CDC42BPA: variants seen among roughly 807,000 people sequenced by gnomAD.
The protein encoded by CDC42BPA is CDC42 binding protein kinase alpha.
CDC42BPA carries 80 observed loss-of-function variants against 223.5 expected under a neutral mutation model. That is an observed-to-expected ratio of 0.36 (90% CI 0.30 to 0.43). CDC42BPA has a LOEUF of 0.43. Ranked by LOEUF, CDC42BPA falls within the 20% of genes least tolerant of loss-of-function variation. CDC42BPA has a pLI of 1.00. For synonymous variants in CDC42BPA, 694 were observed against 718.6 expected (o/e 0.97, Z 0.55); for missense variants, 1,743 against 2,099.9 (o/e 0.83, Z 3.32).
chr1:227,310,164 C>T (rs186667919), intron 1 of CDC42BPA, among the ~76,000 whole-genome samples: 45 of 152,262 alleles, frequency 3.0e-4, no homozygotes, highest in Admixed American at 1.5e-3. Flanking sequence ...ATCCTCCAGA[C>T]GCTCTGAAAA....
intron 10 of CDC42BPA, among the ~76,000 whole-genome samples, chr1:227,135,855 C>CAAAAAAAAAAAAAAAAA (rs1175091904): frequency 3.0e-4 from 2 of 6,578 alleles, no homozygotes; most frequent in Non-Finnish European, 6.8e-4. Flanking sequence ...CTCTGTCTCC[C>CAAAAAAAAAAAAAAAAA]AAAAAAAAAA....
intron 2 of CDC42BPA, among the ~76,000 whole-genome samples, chr1:227,226,970 A>T (rs1296099288): frequency 6.6e-6 from 1 of 152,164 alleles, no homozygotes; most frequent in Non-Finnish European, 1.5e-5. Context: ...AATTACATAG[A>T]GAGTTAAAGC....
chr1:227,060,545 C>T (rs192684545), intron 21 of CDC42BPA, among the ~76,000 whole-genome samples: 5 of 151,984 alleles, frequency 3.3e-5, no homozygotes, highest in Admixed American at 2.6e-4. Context: ...GTATGGGAAC[C>T]TAGAGGAGGG....
chr1:227,293,495 T>C (rs993368108), intron 1 of CDC42BPA, among the ~76,000 whole-genome samples: 4 of 149,454 alleles, frequency 2.7e-5, no homozygotes, highest in Non-Finnish European at 4.4e-5. Context: ...CAGATTCATA[T>C]ACAAAGCTAC....
intron 1 of CDC42BPA, among the ~76,000 whole-genome samples, chr1:227,284,226 A>G (rs559099301): frequency 3.3e-5 from 5 of 152,224 alleles, no homozygotes; most frequent in African/African-American, 4.8e-5. Context: ...AACTAAAAAT[A>G]TAAGAATTTG....
intron 5 of CDC42BPA, among the ~76,000 whole-genome samples, chr1:227,189,312 A>C (rs1364065984): frequency 1.3e-5 from 2 of 152,232 alleles, no homozygotes; most frequent in African/African-American, 4.8e-5. Context: ...AATGAAAACT[A>C]AGTAAGAGTA....
In CDC42BPA at chr1:227,317,068, A is replaced by T; in HGVS notation, c.115T>A (p.Tyr39Asn). The T allele has an allele frequency of 6.2e-7, 1 of 1,613,612 alleles. No individual in the cohort carries two copies. Among genetic ancestry groups the T allele is most frequent in the Non-Finnish European group, 8.5e-7 (1 of 1,179,514 alleles). The change falls in exon 1 of 37, where the codon TAT becomes AAT. Residue 39 changes from tyrosine to asparagine, a missense_variant. Physicochemically the swap from Tyr to Asn is moderately radical, Grantham distance 143. Around this residue, in one of 6 missense-constraint regions of CDC42BPA, gnomAD observed 321 missense variants for 488.7 expected, o/e 0.66. Transcript: ENST00000366766. ...AATGGAGAATTATTGCATTCATCAT[A>T]AAGGCAGATGAGTATATCCAGTAAT... ...ETLLDILICL[Y>N]DECNNSPLRR...
intron 24 of CDC42BPA, among the ~76,000 whole-genome samples, chr1:227,037,696 G>T (rs1269764915): frequency 2.6e-5 from 4 of 152,172 alleles, no homozygotes; most frequent in African/African-American, 4.8e-5. Flanking sequence ...ACTAGTATTA[G>T]AATTTGAGTT....
intron 5 of CDC42BPA, chr1:227,183,012 C>T (rs77703354): frequency 0.051 from 7,794 of 152,258 alleles, 235 homozygotes; most frequent in Non-Finnish European, 0.072. Context: ...CCTGGTTTTC[C>T]GGCTTTCAAA....
Position 227,019,784 on chromosome 1 carries a change from C to T in CDC42BPA, c.4616-2734G>A, listed in dbSNP as rs553005611. Among the ~76,000 whole-genome samples the T allele has an allele frequency of 2.0e-5, 3 of 152,258 alleles. No individual in the cohort carries two copies. The South Asian group carries it at 6.2e-4, about 32-fold the overall frequency. ...TTGAAAGAAGTATTACTTTTCTGAG[C>T]AGTAGATCTCAACAGTGGGCTTAAA... On this transcript the variant is annotated intron_variant, in intron 32 of 36. Transcript: ENST00000366766.
intron 3 of CDC42BPA, among the ~76,000 whole-genome samples, chr1:227,202,316 C>T (rs962103386): frequency 6.6e-6 from 1 of 152,126 alleles, no homozygotes; most frequent in African/African-American, 2.4e-5. Context: ...ACAGAAAGCA[C>T]TTTACATACT....
intron 2 of CDC42BPA, among the ~76,000 whole-genome samples, chr1:227,239,945 G>T (rs1451391116): frequency 2.0e-5 from 3 of 152,002 alleles, no homozygotes; most frequent in Non-Finnish European, 4.4e-5. Flanking sequence ...CAAAGAAATA[G>T]AAAGTCTACA....
chr1:227,303,694 T>C (rs1015887211), intron 1 of CDC42BPA, among the ~76,000 whole-genome samples: 4 of 152,236 alleles, frequency 2.6e-5, no homozygotes, highest in Admixed American at 6.5e-5. Flanking sequence ...CACTGCTAAT[T>C]TGGAATCTGA....
chr1:227,284,962 C>CAA (rs34475633), intron 1 of CDC42BPA, among the ~76,000 whole-genome samples: 1,575 of 130,222 alleles, frequency 0.012, 44 homozygotes, highest in African/African-American at 0.029. Context: ...GACCCCATCT[C>CAA]ACAAAAAAAA....
At chr1:227,268,476 G>C (rs1360304265) in intron 1 of CDC42BPA, among the ~76,000 whole-genome samples, 1 of 151,464 alleles carries the variant, frequency 6.6e-6, no homozygotes, top group African/African-American at 2.4e-5. Context: ...ATAAAATATT[G>C]TGATATGGGG....
At chr1:227,240,166 A>T (rs1339770029) in intron 2 of CDC42BPA, among the ~76,000 whole-genome samples, 1 of 152,136 alleles carries the variant, frequency 6.6e-6, no homozygotes, top group African/African-American at 2.4e-5. Flanking sequence ...AATTTTAAAG[A>T]TATCATTTAT....
At chr1:227,195,751 T>G (rs1270216751) in intron 4 of CDC42BPA, among the ~76,000 whole-genome samples, 2 of 152,210 alleles carry the variant, frequency 1.3e-5, no homozygotes, top group African/African-American at 2.4e-5. Flanking sequence ...AATTGAATAT[T>G]TGGTACTCCT....
chr1:227,032,736 G>A (rs79098346), intron 27 of CDC42BPA, among the ~76,000 whole-genome samples: 9,104 of 152,210 alleles, frequency 0.06, 279 homozygotes, highest in Non-Finnish European at 0.072. Context: ...GACGACCAGA[G>A]ACCACATGGA....
At position 227,112,707 on chromosome 1, in the gene CDC42BPA, C is replaced by CCTTA. The variant is rs1161092054; in HGVS notation, c.1850_1853dup (p.Arg618SerfsTer25). 1 of 1,614,066 alleles carries CCTTA rather than the reference C, an allele frequency of 6.2e-7. No individual in the cohort carries two copies. Among genetic ancestry groups the CCTTA allele is most frequent in the Non-Finnish European group, 8.5e-7 (1 of 1,179,994 alleles). ...CTCTTTCTGTTCTGCGCAGTTCTTG[C>CCTTA]CTTAAGCTTTCAACTTTTTGCATCA... On this transcript the variant is annotated frameshift_variant, in exon 13 of 37. Coordinates refer to ENST00000366766, the MANE Select transcript of CDC42BPA (RefSeq NM_001394014.1). LOFTEE classifies it high-confidence loss of function.
Sources: gnomAD v4.1 joint callset for allele counts (sites outside exome capture counted in the v4.1 genomes callset) on GRCh38, gnomAD v4.1.1 for gene constraint, gnomAD v4.1.1 regional missense constraint, MANE v1.5 for transcripts, NCBI Gene and HGNC (gene_info 2026-07-23, HGNC 2026-07-21) for gene names.